DYM: variants seen among roughly 807,000 people sequenced by gnomAD.
DYM encodes the protein dymeclin.
Under a neutral mutation model 93.1 loss-of-function variants are expected in DYM, and 78 were observed. That is an observed-to-expected ratio of 0.84 (90% CI 0.70 to 1.01). The LOEUF is 1.01. DYM is among the 50% of genes least tolerant of loss of function. DYM has a pLI of 0.00. For missense variants in DYM, 789 were observed against 845.0 expected (o/e 0.93, Z 0.82); for synonymous variants, 321 against 319.7 (o/e 1.00, Z -0.04).
At chr18:49,314,757 A>G (rs1329181567) in intron 8 of DYM, among the ~76,000 whole-genome samples, 1 of 152,232 alleles carries the variant, frequency 6.6e-6, no homozygotes, top group Non-Finnish European at 1.5e-5. Context: ...AGCTCCACAC[A>G]GAACCAGCAG....
intron 8 of DYM, among the ~76,000 whole-genome samples, chr18:49,306,760 T>C (rs188981526): frequency 6.6e-6 from 1 of 152,338 alleles, no homozygotes; most frequent in East Asian, 1.9e-4. Flanking sequence ...AAGAGCACTC[T>C]AATGGCTTTC....
chr18:49,232,603 CTT>C (rs777802663), intron 13 of DYM, among the ~76,000 whole-genome samples: 6 of 94,368 alleles, frequency 6.4e-5, no homozygotes, highest in African/African-American at 7.5e-5. Flanking sequence ...TGCCCGGCCT[CTT>C]TTTTTTTTTT....
At chr18:49,055,838 CCTGGAAAGG>C (rs993401923) in intron 17 of DYM, among the ~76,000 whole-genome samples, 2 of 152,218 alleles carry the variant, frequency 1.3e-5, no homozygotes, top group African/African-American at 2.4e-5. Context: ...TGAGCTGAAG[CCTGGAAAGG>C]CTGGGTGAAG....
chr18:49,311,662 G>A (rs766531963), intron 8 of DYM, among the ~76,000 whole-genome samples: 4 of 149,274 alleles, frequency 2.7e-5, no homozygotes, highest in Non-Finnish European at 5.9e-5. Context: ...TCACTCATAG[G>A]TGGGAACTGA....
intron 8 of DYM, among the ~76,000 whole-genome samples, chr18:49,295,937 T>C (rs2060514829): frequency 6.6e-6 from 1 of 152,112 alleles, no homozygotes; most frequent in South Asian, 2.1e-4. Context: ...TATTTATTTA[T>C]TTTGAGACAG....
At chr18:49,359,281 T>C (rs943790998) in intron 6 of DYM, among the ~76,000 whole-genome samples, 1 of 152,186 alleles carries the variant, frequency 6.6e-6, no homozygotes, top group African/African-American at 2.4e-5. Flanking sequence ...CAATACACAC[T>C]GAAAAATGTC....
intron 13 of DYM, among the ~76,000 whole-genome samples, chr18:49,222,007 A>C (rs540325145): frequency 4.6e-5 from 7 of 152,094 alleles, no homozygotes; most frequent in African/African-American, 1.7e-4. Flanking sequence ...GAAAGAAAAA[A>C]GAAACTAGAC....
rs1052367693 is a variant in DYM, at chr18:49,412,092, C to T, written c.140+18163G>A. ...GCAGAACCAAAAAGGTGTTTACATT[C>T]ATGTGATTCACAGACAATCGTATAT... On this transcript the variant is annotated intron_variant, in intron 2 of 17. Coordinates refer to ENST00000675505, the MANE Select transcript of DYM (RefSeq NM_001353214.3). Among the ~76,000 whole-genome samples, 4 of 152,108 alleles carry T rather than the reference C, an allele frequency of 2.6e-5. No homozygotes were observed. The East Asian group carries it at 5.8e-4, about 22-fold the overall frequency.
chr18:49,114,538 C>T, intron 16 of DYM: 3 of 985,004 alleles, frequency 3.0e-6, no homozygotes, highest in Non-Finnish European at 3.6e-6. Flanking sequence ...CTCACCTCCA[C>T]TCTGCTTTTC....
intron 1 of DYM, among the ~76,000 whole-genome samples, chr18:49,455,609 A>G (rs1016372381): frequency 3.9e-5 from 6 of 152,224 alleles, no homozygotes; most frequent in Non-Finnish European, 5.9e-5. Flanking sequence ...ACTCAAACCT[A>G]GAGTTTCAAA....
intron 10 of DYM, among the ~76,000 whole-genome samples, chr18:49,274,024 G>A (rs952034296): frequency 1.3e-5 from 2 of 151,954 alleles, no homozygotes; most frequent in East Asian, 3.9e-4. Context: ...ACAATTTACA[G>A]ACCATACAAT....
At chr18:49,070,016 G>A (rs1734362995) in intron 17 of DYM, among the ~76,000 whole-genome samples, 1 of 152,186 alleles carries the variant, frequency 6.6e-6, no homozygotes, top group Admixed American at 6.5e-5. Flanking sequence ...ACTCCCGCCT[G>A]GGCAACAGAG....
intron 15 of DYM, among the ~76,000 whole-genome samples, chr18:49,142,161 A>G (rs1258179205): frequency 6.6e-6 from 1 of 151,948 alleles, no homozygotes; most frequent in Non-Finnish European, 1.5e-5. Context: ...GCGCCTGGCC[A>G]ATATGTTTTA....
At chr18:49,426,768 TGTGTGTGTG>T (rs2074337236) in intron 2 of DYM, among the ~76,000 whole-genome samples, 1 of 146,060 alleles carries the variant, frequency 6.8e-6, no homozygotes, top group Non-Finnish European at 1.5e-5. Context: ...TGTGTGTGTG[TGTGTGTGTG>T]TGTGTGTGTG....
chr18:49,380,189 G>C (rs1218063398), intron 3 of DYM, among the ~76,000 whole-genome samples: 2 of 152,098 alleles, frequency 1.3e-5, no homozygotes, highest in Admixed American at 6.5e-5. Flanking sequence ...CAAATCATTT[G>C]AATGAAAAAT....
chr18:49,269,347 C>A (rs1306579076), intron 11 of DYM, among the ~76,000 whole-genome samples: 1 of 152,146 alleles, frequency 6.6e-6, no homozygotes, highest in African/African-American at 2.4e-5. Flanking sequence ...AGAACCCTTA[C>A]ACACTGTTGG....
At chr18:49,272,355 A>G (rs2094727519) in intron 10 of DYM, 52 bp from the exon 11 acceptor site, 1 of 1,182,272 alleles carries the variant, frequency 8.5e-7, no homozygotes, top group African/African-American at 1.5e-5. Context: ...TATAAATCCA[A>G]ATGTTTTAAA....
intron 13 of DYM, among the ~76,000 whole-genome samples, chr18:49,236,040 G>A (rs901441582): frequency 6.6e-6 from 1 of 151,946 alleles, no homozygotes; most frequent in Admixed American, 6.6e-5. Context: ...CAACTTTTTT[G>A]TTCTGGAATG....
At chr18:49,081,893 C>T (rs961040167) in intron 17 of DYM, among the ~76,000 whole-genome samples, 4 of 152,222 alleles carry the variant, frequency 2.6e-5, no homozygotes, top group African/African-American at 7.2e-5. Flanking sequence ...CTGAAAGTGT[C>T]AGGAAGTAGG....
Sources: gnomAD v4.1 joint callset for allele counts (sites outside exome capture counted in the v4.1 genomes callset) on GRCh38, gnomAD v4.1.1 for gene constraint, MANE v1.5 for transcripts, NCBI Gene and HGNC (gene_info 2026-07-23, HGNC 2026-07-21) for gene names.